The following NALF1 variants were observed in gnomAD, a reference collection of about 807,000 sequenced individuals.
NALF1 encodes NALCN channel auxiliary factor 1, also known as family with sequence similarity 155 member A.
Under a neutral mutation model 48.4 loss-of-function variants are expected in NALF1, and 3 were observed. The observed-to-expected ratio is 0.06, with a 90% confidence interval of 0.03 to 0.16. The LOEUF is 0.16. Among genes scored for constraint, NALF1 ranks in the 10% least tolerant of loss-of-function variants. The probability of loss-of-function intolerance (pLI) is 1.00; values close to 1 mark genes in which losing one functional copy is unlikely to be tolerated. For synonymous variants in NALF1, 262 were observed against 245.7 expected, an observed-to-expected ratio of 1.07 and a Z score of -0.62; for missense variants, 526 against 571.5, an observed-to-expected ratio of 0.92 and a Z score of 0.81.
intron 1 of NALF1, among the ~76,000 whole-genome samples, chr13:107,703,569 G>A (rs541989682): frequency 3.3e-5 from 5 of 152,066 alleles, no homozygotes; most frequent in Middle Eastern, 6.8e-3. Flanking sequence ...TGGCCAGACT[G>A]GTCTCGAACT....
chr13:107,376,168 C>T (rs187736496), intron 1 of NALF1, among the ~76,000 whole-genome samples: 19 of 152,240 alleles, frequency 1.2e-4, no homozygotes, highest in East Asian at 5.8e-4. Context: ...CAGAACTTTG[C>T]GCGCCCTTTC....
intron 1 of NALF1, among the ~76,000 whole-genome samples, chr13:107,689,286 C>T (rs944491192): frequency 6.6e-6 from 1 of 152,112 alleles, no homozygotes; most frequent in African/African-American, 2.4e-5. Context: ...TCTTTTTTCT[C>T]GTCTCTTTTC....
At chr13:107,725,450 G>A (rs1876119879) in intron 1 of NALF1, among the ~76,000 whole-genome samples, 1 of 152,252 alleles carries the variant, frequency 6.6e-6, no homozygotes, top group Admixed American at 6.5e-5. Flanking sequence ...GCTCACACCT[G>A]TAATCCCAAC....
chr13:107,175,008 C>T (rs934895537), intron 2 of NALF1, among the ~76,000 whole-genome samples: 2 of 144,624 alleles, frequency 1.4e-5, no homozygotes, highest in Non-Finnish European at 3.0e-5. Context: ...CTCAGCCTCC[C>T]GAGTAGCTGG....
chr13:107,605,740 C>G (rs1879048858), intron 1 of NALF1, among the ~76,000 whole-genome samples: 2 of 152,146 alleles, frequency 1.3e-5, no homozygotes, highest in African/African-American at 4.8e-5. Context: ...AAGGGTGTTG[C>G]AGATTAAACA....
At chr13:107,413,536 T>G (rs533957141) in intron 1 of NALF1, among the ~76,000 whole-genome samples, 1 of 152,180 alleles carries the variant, frequency 6.6e-6, no homozygotes, top group Non-Finnish European at 1.5e-5. Context: ...TGCTGGTTAA[T>G]TAAGTAAAAT....
intron 1 of NALF1, among the ~76,000 whole-genome samples, chr13:107,584,949 T>C (rs2138413229): frequency 6.6e-6 from 1 of 152,258 alleles, no homozygotes; most frequent in Non-Finnish European, 1.5e-5. Flanking sequence ...TACTTCTTAA[T>C]TACCTATTAC....
intron 1 of NALF1, among the ~76,000 whole-genome samples, chr13:107,497,398 A>G (rs945647819): frequency 4.6e-5 from 7 of 152,224 alleles, no homozygotes; most frequent in African/African-American, 1.4e-4. Flanking sequence ...TATTAAAGCC[A>G]TAACACCTCT....
intron 2 of NALF1, among the ~76,000 whole-genome samples, chr13:107,176,230 C>T (rs541067959): frequency 6.6e-6 from 1 of 151,062 alleles, no homozygotes; most frequent in African/African-American, 2.4e-5. Flanking sequence ...AAATGTTGTT[C>T]TGATATATTT....
At chr13:107,406,186 T>A (rs1027739843) in intron 1 of NALF1, among the ~76,000 whole-genome samples, 1 of 151,996 alleles carries the variant, frequency 6.6e-6, no homozygotes, top group African/African-American at 2.4e-5. Flanking sequence ...TTAGAAAAAA[T>A]TTTATGGCTA....
At chr13:107,601,072 G>A (rs1362281974) in intron 1 of NALF1, among the ~76,000 whole-genome samples, 1 of 152,120 alleles carries the variant, frequency 6.6e-6, no homozygotes, top group Non-Finnish European at 1.5e-5. Flanking sequence ...GAAAAATATA[G>A]AGCCCTGAAA....
intron 1 of NALF1, among the ~76,000 whole-genome samples, chr13:107,730,029 T>C (rs1181055711): frequency 1.3e-5 from 2 of 152,186 alleles, no homozygotes; most frequent in African/African-American, 4.8e-5. Flanking sequence ...CTGCTGATTA[T>C]CAATAACATA....
At chr13:107,209,306 A>C (rs1348638813) in intron 2 of NALF1, among the ~76,000 whole-genome samples, 1 of 152,186 alleles carries the variant, frequency 6.6e-6, no homozygotes, top group Non-Finnish European at 1.5e-5. Flanking sequence ...CAGGAGTTGG[A>C]GACCAGCCTG....
intron 1 of NALF1, among the ~76,000 whole-genome samples, chr13:107,302,334 C>A (rs1195065940): frequency 6.6e-6 from 1 of 152,108 alleles, no homozygotes; most frequent in Non-Finnish European, 1.5e-5. Flanking sequence ...CTGTTATGAG[C>A]AACAGAAAAC....
intron 1 of NALF1, among the ~76,000 whole-genome samples, chr13:107,571,201 T>A (rs1877976541): frequency 6.6e-6 from 1 of 152,190 alleles, no homozygotes; most frequent in African/African-American, 2.4e-5. Flanking sequence ...TGTCTTTTTT[T>A]AATTCATAAT....
intron 1 of NALF1, among the ~76,000 whole-genome samples, chr13:107,768,335 C>T (rs1877475455): frequency 6.6e-6 from 1 of 152,046 alleles, no homozygotes; most frequent in South Asian, 2.1e-4. Context: ...TACTGTAATC[C>T]TTCAATTTTC....
chr13:107,552,187 C>A (rs72652756), intron 1 of NALF1, among the ~76,000 whole-genome samples: 102 of 152,224 alleles, frequency 6.7e-4, no homozygotes, highest in Admixed American at 1.4e-3. Flanking sequence ...TTACTACATT[C>A]TATGCAGAAT....
At chr13:107,421,608 T>C (rs1326128730) in intron 1 of NALF1, among the ~76,000 whole-genome samples, 3 of 151,970 alleles carry the variant, frequency 2.0e-5, no homozygotes, top group Admixed American at 2.0e-4. Context: ...AACATAAACA[T>C]AGAAAACCAG....
chr13:107,447,496 ATAGGAATCCCGGGAGC>A (rs1884669805), intron 1 of NALF1, among the ~76,000 whole-genome samples: 1 of 152,332 alleles, frequency 6.6e-6, no homozygotes, highest in East Asian at 1.9e-4. Context: ...TGCATAACAC[ATAGGAATCCCGGGAGC>A]TAGCTTCTAC....
Sources: allele counts gnomAD v4.1 joint callset (sites outside exome capture counted in the v4.1 genomes callset), GRCh38; gene constraint gnomAD v4.1.1; transcripts MANE v1.5; gene names NCBI Gene and HGNC (gene_info 2026-07-23, HGNC 2026-07-21).